UBAC1: variants seen among roughly 807,000 people sequenced by gnomAD.
The protein encoded by UBAC1 is UBA domain containing 1, also known as ubiquitin-associated domain-containing protein 1.
A neutral mutation model predicts 45.9 loss-of-function variants in UBAC1; 27 were observed. The observed-to-expected ratio is 0.59, with a 90% CI of 0.43 to 0.81. The LOEUF is 0.81. UBAC1 is among the 30% of genes least tolerant of loss of function. The pLI is 0.00. For synonymous variants in UBAC1, 227 were observed against 215.5 expected, an observed-to-expected ratio of 1.05 and a Z score of -0.47; for missense variants, 529 against 539.2, an observed-to-expected ratio of 0.98 and a Z score of 0.19.
At chr9:135,941,000 C>T (rs1036286910) in intron 7 of UBAC1, among the ~76,000 whole-genome samples, 11 of 152,228 alleles carry the variant, frequency 7.2e-5, no homozygotes, top group Admixed American at 7.2e-4. Flanking sequence ...CGTCCACAGC[C>T]AGTCTGGACT....
Position 135,933,347 on chromosome 9 carries a change from CG to C in UBAC1, c.*52del, listed in dbSNP as rs1468610294. Reference sequence around the variant, plus strand: ...AGGTGAGGTCCACTCTGCCCGGTCTCGGGCCGCACCAGGGGGCTGCTGTGGC... The same window carrying C: ...AGGTGAGGTCCACTCTGCCCGGTCTCGGCCGCACCAGGGGGCTGCTGTGGC... On this transcript the variant is annotated 3_prime_UTR_variant, in exon 10 of 10. Transcript: ENST00000371756. The C allele has an allele frequency of 1.7e-5, 26 of 1,517,704 alleles. No individual in the cohort carries two copies. The highest frequency in any genetic ancestry group is 2.2e-5 in the Non-Finnish European group (24 of 1,093,162). The allele number at this position is 1,517,704 out of a possible 1,614,324, so 94.0% of individuals were successfully genotyped here.
intron 9 of UBAC1, among the ~76,000 whole-genome samples, chr9:135,935,544 A>G (rs1839193478): frequency 6.6e-6 from 1 of 152,146 alleles, no homozygotes; most frequent in Non-Finnish European, 1.5e-5. Context: ...ACCCATGAGG[A>G]TGACTTGAGC....
chr9:135,953,635 G>C, intron 3 of UBAC1, 45 bp downstream of exon 3: 2 of 1,548,780 alleles, frequency 1.3e-6, no homozygotes, highest in Non-Finnish European at 1.8e-6. Flanking sequence ...CTTAAATGTA[G>C]ACTTCTACCA....
chr9:135,960,547 A>C (rs1839520965), intron 1 of UBAC1, among the ~76,000 whole-genome samples: 2 of 152,008 alleles, frequency 1.3e-5, no homozygotes, highest in Non-Finnish European at 2.9e-5. Context: ...GGGCCTCTTC[A>C]TGAAGGAGCC....
At chr9:135,950,263 G>A (rs990937225) in intron 3 of UBAC1, among the ~76,000 whole-genome samples, 2 of 152,220 alleles carry the variant, frequency 1.3e-5, no homozygotes, top group African/African-American at 4.8e-5. Context: ...CATGTGTGGC[G>A]ATTTGTTAGG....
chr9:135,955,172 G>T, intron 2 of UBAC1, 123 bp downstream of exon 2: 1 of 1,047,954 alleles, frequency 9.5e-7, no homozygotes, highest in Non-Finnish European at 1.3e-6. Flanking sequence ...AGTCGATCTC[G>T]TTTTTGTGCT....
At chr9:135,954,832 C>G (rs1839446859) in intron 2 of UBAC1, among the ~76,000 whole-genome samples, 1 of 152,196 alleles carries the variant, frequency 6.6e-6, no homozygotes, top group South Asian at 2.1e-4. Flanking sequence ...TTCAAAACAG[C>G]TTACTTCAAG....
chr9:135,939,137 G>C (rs1839235979), intron 8 of UBAC1, among the ~76,000 whole-genome samples: 1 of 151,710 alleles, frequency 6.6e-6, no homozygotes, highest in Admixed American at 6.6e-5. Flanking sequence ...AGGAGGTCGA[G>C]GCTGCAGTGA....
In UBAC1 at chr9:135,946,329, C is replaced by T; in HGVS notation, c.484G>A (p.Val162Met). The T allele has an allele frequency of 6.2e-7, 1 of 1,614,128 alleles. No homozygotes were observed. The highest frequency in any genetic ancestry group is 8.5e-7 in the Non-Finnish European group (1 of 1,179,956). ...TTCAGCGCTAACAGCTTCTGCGCCA[C>T]CTCGATGAGAGACACCAGTATCTTC... ...LRKILVSLIE[V>M]AQKLLALNPD... Residue 162 changes from valine (V) to methionine (M), a missense_variant, in exon 5 of 10, where the codon GTG becomes ATG. By Grantham distance (21) the Val-to-Met change is conservative. Coordinates refer to ENST00000371756, the MANE Select transcript of UBAC1 (RefSeq NM_016172.3).
chr9:135,946,257 G>A lies in UBAC1; in HGVS notation c.544+12C>T. The A allele has an allele frequency of 1.3e-6, 2 of 1,584,652 alleles. No homozygotes were observed. The highest frequency in any genetic ancestry group is 1.7e-6 in the Non-Finnish European group (2 of 1,153,464). On this transcript the variant is annotated intron_variant, in intron 5 of 9. Coordinates refer to ENST00000371756, the MANE Select transcript of UBAC1 (RefSeq NM_016172.3). ...AACCGCCCTGGAATGCAGCATCGGG[G>A]TTGACTCATACCATTCGCCTTCTTA...
At chr9:135,941,209 C>T (rs954424382) in intron 7 of UBAC1, among the ~76,000 whole-genome samples, 14 of 152,112 alleles carry the variant, frequency 9.2e-5, no homozygotes. Flanking sequence ...AGTTTGAGAC[C>T]AGCCTGGCCA....
chr9:135,950,700 A>T (rs947030063), intron 3 of UBAC1, among the ~76,000 whole-genome samples: 1 of 152,236 alleles, frequency 6.6e-6, no homozygotes, highest in African/African-American at 2.4e-5. Flanking sequence ...TAGCCTCTTC[A>T]TTAAGAAGTC....
In UBAC1 at chr9:135,933,378, T is replaced by C. The variant is rs115120233; in HGVS notation, c.*22A>G. The C allele has an allele frequency of 1.5e-3, 2,472 of 1,606,940 alleles. 41 individuals carry two copies. In the African/African-American group the frequency reaches 0.027, roughly 18 times the overall value. On this transcript the variant is annotated 3_prime_UTR_variant, in exon 10 of 10. Coordinates refer to ENST00000371756, the MANE Select transcript of UBAC1 (RefSeq NM_016172.3). ...GCACCAGGGGGCTGCTGTGGCCTGATAGCCGAGTGGAACAACGCCACCTAC... is the reference window on the plus strand; with the variant it reads ...GCACCAGGGGGCTGCTGTGGCCTGACAGCCGAGTGGAACAACGCCACCTAC...
chr9:135,933,503 A>T lies in UBAC1; in HGVS notation c.1115T>A (p.Met372Lys). Residue 372 changes from methionine (M) to lysine (K), a missense_variant, in exon 10 of 10, where the codon ATG becomes AAG. Transcript: ENST00000371756. ...NPKTLLAFED[M>K]LENPLNSTQW... ...GGTGCTGTTCAGTGGGTTCTCCAGC[A>T]TGTCTTCAAATGCTGCAGGGAAAAC... is the stretch of plus-strand genomic sequence containing the variant. 6.2e-7 allele frequency: 1 copy of T among 1,613,806 alleles called. No individual in the cohort carries two copies. The highest frequency in any genetic ancestry group is 8.5e-7 in the Non-Finnish European group (1 of 1,179,828).
Position 135,939,747 on chromosome 9 carries a change from G to C in UBAC1, c.889C>G (p.Leu297Val). 6.2e-7 allele frequency: 1 copy of C among 1,613,668 alleles called. No individual in the cohort carries two copies. Among genetic ancestry groups the C allele is most frequent in the Non-Finnish European group, 8.5e-7 (1 of 1,179,640 alleles). Residue 297 changes from leucine (L) to valine (V), a missense_variant, in exon 8 of 10, where the codon CTG (leucine) becomes GTG (valine). Leu to Val is a conservative substitution (Grantham distance 32). Transcript: ENST00000371756. ...FRADARAVIS[L>V]MEMGFDEKEV... ...TTCTCGTCGAACCCCATCTCCATCA[G>C]GGAAATGACGGCCTAGAGGACAGCA...
intron 7 of UBAC1, among the ~76,000 whole-genome samples, chr9:135,940,974 C>G (rs1433610469): frequency 1.3e-5 from 2 of 152,204 alleles, no homozygotes; most frequent in Non-Finnish European, 2.9e-5. Context: ...CAGCACTGCA[C>G]CCCGCGGACG....
Position 135,955,467 on chromosome 9 carries a change from A to G in UBAC1, c.139-52T>C, listed in dbSNP as rs781102640. Reference sequence around the variant, plus strand: ...AGAAAATAAGTAAATCGTAATTCTAATAATATAGGACCTGGCATCCCAAGC... The same window carrying G: ...AGAAAATAAGTAAATCGTAATTCTAGTAATATAGGACCTGGCATCCCAAGC... On this transcript the variant is annotated intron_variant, in intron 1 of 9. Coordinates refer to ENST00000371756, the MANE Select transcript of UBAC1 (RefSeq NM_016172.3). 4 of 1,475,646 alleles carry G rather than the reference A, an allele frequency of 2.7e-6. No individual in the cohort carries two copies. In the Admixed American group the frequency reaches 9.8e-5, roughly 36 times the overall value. The allele number at this position is 1,475,646 out of a possible 1,614,324, so 91.4% of individuals were successfully genotyped here.
chr9:135,956,104 G>A (rs565769658), intron 1 of UBAC1, among the ~76,000 whole-genome samples: 3 of 152,318 alleles, frequency 2.0e-5, no homozygotes, highest in Admixed American at 2.0e-4. Flanking sequence ...GGCAGGGAAC[G>A]GGAGGCAACA....
intron 9 of UBAC1, among the ~76,000 whole-genome samples, 187 bp downstream of exon 9, chr9:135,938,035 C>T (rs992359949): frequency 6.6e-6 from 1 of 152,184 alleles, no homozygotes; most frequent in Admixed American, 6.5e-5. Context: ...ACCTGACCTG[C>T]GGGCCCCACA....
Sources: gnomAD v4.1 joint callset for allele counts (sites outside exome capture counted in the v4.1 genomes callset) on GRCh38, gnomAD v4.1.1 for gene constraint, MANE v1.5 for transcripts, NCBI Gene and HGNC (gene_info 2026-07-23, HGNC 2026-07-21) for gene names.